ATP5MC2: variants seen among roughly 807,000 people sequenced by gnomAD.
The protein encoded by ATP5MC2 is ATP synthase F(0) complex subunit C2, mitochondrial.
A neutral mutation model predicts 13.5 loss-of-function variants in ATP5MC2; 11 were observed. The observed-to-expected ratio is 0.81, with a 90% confidence interval of 0.51 to 1.35. The LOEUF (loss-of-function observed/expected upper bound fraction) is 1.35, where lower values mean the gene tolerates loss of function less well. ATP5MC2 is among the 40% of genes most tolerant of loss of function. The pLI is 0.00. For synonymous variants in ATP5MC2, 64 were observed against 69.7 expected, an observed-to-expected ratio of 0.92 and a Z score of 0.41; for missense variants, 132 against 175.0, an observed-to-expected ratio of 0.75 and a Z score of 1.39.
chr12:53,667,911 T>A (rs906056418), intron 4 of ATP5MC2, among the ~76,000 whole-genome samples: 1 of 142,154 alleles, frequency 7.0e-6, no homozygotes, highest in Admixed American at 7.3e-5. Flanking sequence ...CTTTCTTCAA[T>A]GACACAATGA....
upstream of ATP5MC2, chr12:53,676,421 C>T: frequency 5.2e-6 from 3 of 575,450 alleles, no homozygotes; most frequent in South Asian, 4.3e-5. Flanking sequence ...AACTCCTACT[C>T]AGAATTCAGT....
chr12:53,669,776 A>T, intron 3 of ATP5MC2, 95 bp downstream of exon 3: 4 of 1,329,960 alleles, frequency 3.0e-6, no homozygotes, highest in Non-Finnish European at 4.3e-6. Context: ...TTAGCCTGTG[A>T]TGACTGTCCT....
intron 1 of ATP5MC2, chr12:53,672,871 T>G: frequency 1.9e-6 from 1 of 512,946 alleles, no homozygotes; most frequent in Non-Finnish European, 3.5e-6. Context: ...TCTGAACAAG[T>G]GAACACTTGG....
upstream of ATP5MC2, among the ~76,000 whole-genome samples, chr12:53,678,598 A>G (rs940600191): frequency 1.3e-5 from 2 of 152,316 alleles, no homozygotes; most frequent in Non-Finnish European, 1.5e-5. Context: ...TCCTGGGACT[A>G]TTACTACGAG....
At chr12:53,675,704 G>A (rs1484993748) in intron 1 of ATP5MC2, among the ~76,000 whole-genome samples, 1 of 152,210 alleles carries the variant, frequency 6.6e-6, no homozygotes, top group Non-Finnish European at 1.5e-5. Context: ...GCAGAGATAG[G>A]AGGGGAGAGC....
At chr12:53,667,975 ATATATATATATATATATAT>A (rs1287337469) in intron 4 of ATP5MC2, among the ~76,000 whole-genome samples, 32 of 53,040 alleles carry the variant, frequency 6.0e-4, no homozygotes, top group African/African-American at 3.3e-3. Context: ...ATATATATAT[ATATATATATATATATATAT>A]AAATTTTTTT....
chr12:53,676,631 C>G (rs551915357), upstream of ATP5MC2: 1 of 190,714 alleles, frequency 5.2e-6, no homozygotes, highest in African/African-American at 2.3e-5. Flanking sequence ...CCTTTCCATT[C>G]CGGTGATAAA....
At chr12:53,666,344 GA>G (rs1037437554) in intron 4 of ATP5MC2, among the ~76,000 whole-genome samples, 5 of 152,076 alleles carry the variant, frequency 3.3e-5, no homozygotes, top group African/African-American at 4.8e-5. Flanking sequence ...TTGGGAGGCC[GA>G]AGTGGGCAGA....
chr12:53,669,862 G>A lies in ATP5MC2; in HGVS notation c.117+9C>T, dbSNP rs1945041165. ...CCAAAACCACAGTCCCAACTCCACT[G>A]TAAGGTACCTCATCTGTCAGTATCT... On this transcript the variant is annotated intron_variant, in intron 3 of 4. Coordinates refer to ENST00000394349, the MANE Select transcript of ATP5MC2 (RefSeq NM_005176.7). 2.4e-5 allele frequency: 38 copies of A among 1,613,710 alleles called. No individual in the cohort carries two copies. The highest frequency in any genetic ancestry group is 3.0e-5 in the Non-Finnish European group (35 of 1,179,856).
chr12:53,673,680 G>C (rs751634015), intron 1 of ATP5MC2: 1 of 154,890 alleles, frequency 6.5e-6, no homozygotes, highest in Non-Finnish European at 1.4e-5. Flanking sequence ...AATTAGTCGG[G>C]CATGGTGGTG....
upstream of ATP5MC2, among the ~76,000 whole-genome samples, chr12:53,678,169 A>G (rs970237838): frequency 2.0e-5 from 3 of 152,202 alleles, no homozygotes; most frequent in African/African-American, 7.2e-5. Flanking sequence ...TTGCTGTGTG[A>G]TCTTGAGCTA....
chr12:53,673,351 A>AAAC (rs1349761617), intron 1 of ATP5MC2: 7,501 of 136,112 alleles, frequency 0.055, 318 homozygotes, highest in East Asian at 0.2. Flanking sequence ...AACAAACAAA[A>AAAC]AGTTGCCCTT....
upstream of ATP5MC2, chr12:53,677,454 T>C (rs1945305929): frequency 6.6e-6 from 1 of 152,244 alleles, no homozygotes; most frequent in Non-Finnish European, 1.5e-5. Flanking sequence ...GGAATTTCAA[T>C]GCGGCCAATC....
rs1944979106 is a variant in ATP5MC2, at chr12:53,667,983, AT to A, written c.311+1164del. 9.7e-4 allele frequency among the ~76,000 whole-genome samples: 53 copies of A among 54,722 alleles called. 2 individuals carry two copies. The highest frequency in any genetic ancestry group is 7.9e-3 in the Middle Eastern group (1 of 126). The allele number at this position is 54,722 out of a possible 152,430, so 35.9% of individuals were successfully genotyped here. ...TATATATATATATATATATATATATATATATATATATAAATTTTTTTTTTTT... is the reference window on the plus strand; with the variant it reads ...TATATATATATATATATATATATATAATATATATATAAATTTTTTTTTTTT... On this transcript the variant is annotated intron_variant, in intron 4 of 4. Coordinates refer to ENST00000394349, the MANE Select transcript of ATP5MC2 (RefSeq NM_005176.7).
chr12:53,668,468 G>A (rs945821375), intron 4 of ATP5MC2, among the ~76,000 whole-genome samples: 7 of 149,332 alleles, frequency 4.7e-5, no homozygotes, highest in Non-Finnish European at 1.0e-4. Context: ...CCTTACCCAG[G>A]TAATTTTTGT....
chr12:53,667,737 C>T (rs552726565), intron 4 of ATP5MC2, among the ~76,000 whole-genome samples: 7 of 151,508 alleles, frequency 4.6e-5, no homozygotes, highest in East Asian at 3.9e-4. Flanking sequence ...CCTCGTGATC[C>T]GCCCGCCTCG....
At chr12:53,669,026 A>C in intron 4 of ATP5MC2, 122 bp downstream of exon 4, 1 of 1,352,306 alleles carries the variant, frequency 7.4e-7, no homozygotes. Context: ...AAAACAAACA[A>C]ACAAACAAAC....
chr12:53,670,150 C>T, intron 2 of ATP5MC2: 1 of 615,340 alleles, frequency 1.6e-6, no homozygotes, highest in Non-Finnish European at 3.0e-6. Flanking sequence ...TCTTGCTTCT[C>T]AGACTTTGCT....
At chr12:53,667,992 T>TATATATATATATATAC (rs1301480856) in intron 4 of ATP5MC2, among the ~76,000 whole-genome samples, 1 of 98,632 alleles carries the variant, frequency 1.0e-5, no homozygotes, top group East Asian at 3.5e-4. Flanking sequence ...TATATATATA[T>TATATATATATATATAC]ATAAATTTTT....
Sources: gnomAD v4.1 joint callset for allele counts (sites outside exome capture counted in the v4.1 genomes callset) on GRCh38, gnomAD v4.1.1 for gene constraint, MANE v1.5 for transcripts, NCBI Gene and HGNC (gene_info 2026-07-23, HGNC 2026-07-21) for gene names.